The following ADARB2 variants were observed in gnomAD, a reference collection of about 807,000 sequenced individuals.
ADARB2 encodes inactive double-stranded RNA-specific editase B2.
Under a neutral mutation model 62.2 loss-of-function variants are expected in ADARB2, and 25 were observed. The ratio of observed to expected loss-of-function variants is 0.40; its 90% CI spans 0.29 to 0.56. The LOEUF (loss-of-function observed/expected upper bound fraction) is 0.56. Ranked by LOEUF, ADARB2 falls within the 20% of genes least tolerant of loss-of-function variation. The pLI is 0.43. For synonymous variants in ADARB2, 572 were observed against 500.8 expected, an observed-to-expected ratio of 1.14 and a Z score of -1.90; for missense variants, 1,071 against 1,077.4, an observed-to-expected ratio of 0.99 and a Z score of 0.08.
Position 1,645,448 on chromosome 10 carries a change from G to A in ADARB2, c.100+91603C>T, listed in dbSNP as rs561437605. On this transcript the variant is annotated intron_variant, in intron 1 of 9. Transcript: ENST00000381312. The stretch of plus-strand genomic sequence containing the variant: ...GTGCCATTGCCTAGCAGAAGTAAGG[G>A]GGATGCAACCACTTTGTTACTTCCA... Among the ~76,000 whole-genome samples, 4 of 152,272 alleles carry A rather than the reference G, an allele frequency of 2.6e-5. No individual in the cohort carries two copies. In the East Asian group the frequency reaches 7.7e-4, roughly 29 times the overall value.
chr10:1,627,284 G>A lies in ADARB2; in HGVS notation c.100+109767C>T, dbSNP rs151061219. Among the ~76,000 whole-genome samples the A allele has an allele frequency of 3.9e-3, 592 of 152,224 alleles. 5 individuals are homozygous for A. The highest frequency in any genetic ancestry group is 0.014 in the African/African-American group (564 of 41,512). ...ACTGAAGATTAGACTCCTGATCACG[G>A]ACACTTGACTCCATTCGGAGAGCAG... On this transcript the variant is annotated intron_variant, in intron 1 of 9. Coordinates refer to ENST00000381312, the MANE Select transcript of ADARB2 (RefSeq NM_018702.4).
intron 1 of ADARB2, among the ~76,000 whole-genome samples, chr10:1,621,801 C>G (rs923140313): frequency 6.6e-6 from 1 of 152,196 alleles, no homozygotes; most frequent in Non-Finnish European, 1.5e-5. Context: ...CCCAAATTAT[C>G]CATGGATTCA....
intron 3 of ADARB2, among the ~76,000 whole-genome samples, chr10:1,348,170 G>T (rs1832098752): frequency 6.6e-6 from 1 of 152,194 alleles, no homozygotes; most frequent in African/African-American, 2.4e-5. Context: ...ATTGCTGGGG[G>T]CTGGGGTGGG....
intron 1 of ADARB2, among the ~76,000 whole-genome samples, chr10:1,581,814 A>C (rs111697834): frequency 6.9e-6 from 1 of 144,296 alleles, no homozygotes; most frequent in African/African-American, 2.6e-5. Context: ...CATAGAGATG[A>C]CTTAGAAATA....
At chr10:1,350,057 G>A (rs74733235) in intron 3 of ADARB2, among the ~76,000 whole-genome samples, 4 of 151,756 alleles carry the variant, frequency 2.6e-5, no homozygotes, top group African/African-American at 9.7e-5. Context: ...TTCAACTCTC[G>A]CCTGACCTAA....
chr10:1,458,233 C>T (rs1381687418), intron 1 of ADARB2, among the ~76,000 whole-genome samples: 1 of 152,144 alleles, frequency 6.6e-6, no homozygotes, highest in African/African-American at 2.4e-5. Context: ...CGTGCACCCA[C>T]ATTTAAATTT....
At chr10:1,249,616 GCA>G (rs58472524) in intron 4 of ADARB2, among the ~76,000 whole-genome samples, 211 of 146,866 alleles carry the variant, frequency 1.4e-3, no homozygotes, top group Non-Finnish European at 1.9e-3. Context: ...GTGATTTTAT[GCA>G]CACACACACA....
chr10:1,674,232 C>G (rs945962362), intron 1 of ADARB2, among the ~76,000 whole-genome samples: 4 of 152,178 alleles, frequency 2.6e-5, no homozygotes, highest in Admixed American at 2.0e-4. Flanking sequence ...TTTAAAGCCT[C>G]CAACCCCCTT....
At chr10:1,524,092 AG>A (rs1832109660) in intron 1 of ADARB2, among the ~76,000 whole-genome samples, 4 of 152,258 alleles carry the variant, frequency 2.6e-5, no homozygotes, top group Non-Finnish European at 4.4e-5. Flanking sequence ...ATAGATAGAT[AG>A]ATAGATAGAT....
chr10:1,704,167 G>A lies in ADARB2; in HGVS notation c.100+32884C>T, dbSNP rs1448931825. 6.6e-6 allele frequency among the ~76,000 whole-genome samples: 1 copy of A among 152,208 alleles called. No individual in the cohort carries two copies. Among genetic ancestry groups the A allele is most frequent in the East Asian group, 1.9e-4 (1 of 5,204 alleles). ...TCTGGCACCAGGGATGGCTGGTTTTGTGGAAGACAATTTTTCCATGGACTG... is the reference window on the plus strand; with the variant it reads ...TCTGGCACCAGGGATGGCTGGTTTTATGGAAGACAATTTTTCCATGGACTG... On this transcript the variant is annotated intron_variant, in intron 1 of 9. Transcript: ENST00000381312. The surrounding 1 kb of genome is among the most constrained non-coding windows in gnomAD (Gnocchi z 5.6).
intron 1 of ADARB2, among the ~76,000 whole-genome samples, chr10:1,406,081 C>T (rs1218450419): frequency 2.0e-5 from 3 of 152,238 alleles, no homozygotes; most frequent in African/African-American, 4.8e-5. Context: ...CTGTTTATTA[C>T]ACCCTTCACC....
At chr10:1,295,407 C>T (rs1365993729) in intron 3 of ADARB2, among the ~76,000 whole-genome samples, 2 of 152,132 alleles carry the variant, frequency 1.3e-5, no homozygotes, top group African/African-American at 4.8e-5. Context: ...CACTTTTGAC[C>T]TCTTTAAGTC....
intron 1 of ADARB2, among the ~76,000 whole-genome samples, chr10:1,715,555 C>A (rs1023491719): frequency 6.7e-6 from 1 of 149,854 alleles, no homozygotes; most frequent in African/African-American, 2.5e-5. Context: ...AGAAACCCAG[C>A]CAGTGGTTCC....
At chr10:1,618,358 C>A (rs970802441) in intron 1 of ADARB2, among the ~76,000 whole-genome samples, 11 of 152,172 alleles carry the variant, frequency 7.2e-5, no homozygotes, top group African/African-American at 2.7e-4. Flanking sequence ...TAGCTTATCA[C>A]CTTTTTAATA....
Position 1,477,568 on chromosome 10 carries a change from C to G in ADARB2, c.101-98408G>C, listed in dbSNP as rs1831418609. On this transcript the variant is annotated intron_variant, in intron 1 of 9. Coordinates refer to ENST00000381312, the MANE Select transcript of ADARB2 (RefSeq NM_018702.4). The surrounding 1 kb of genome is among the most constrained non-coding windows in gnomAD (Gnocchi z 4.5). ...GTAAATTCTTTTACCACCCGTGACA[C>G]CAGCCCCAGCCATTGCACCCACAAC... 6.6e-6 allele frequency among the ~76,000 whole-genome samples: 1 copy of G among 152,166 alleles called. No individual in the cohort carries two copies. The highest frequency in any genetic ancestry group is 2.1e-4 in the South Asian group (1 of 4,830).
chr10:1,450,825 G>A (rs1170103258), intron 1 of ADARB2, among the ~76,000 whole-genome samples: 1 of 152,178 alleles, frequency 6.6e-6, no homozygotes, highest in Non-Finnish European at 1.5e-5. Context: ...AAGATTTGGG[G>A]TGTTATCTGC....
At chr10:1,330,905 C>T (rs137874146) in intron 3 of ADARB2, among the ~76,000 whole-genome samples, 3 of 152,156 alleles carry the variant, frequency 2.0e-5, no homozygotes, top group Admixed American at 6.5e-5. Flanking sequence ...ATGATATACC[C>T]GAATACATAA....
intron 3 of ADARB2, among the ~76,000 whole-genome samples, chr10:1,328,023 C>T (rs970565683): frequency 7.9e-5 from 12 of 151,802 alleles, no homozygotes; most frequent in African/African-American, 2.7e-4. Context: ...TCTGGGGGCA[C>T]GGATTGCAGG....
intron 1 of ADARB2, among the ~76,000 whole-genome samples, chr10:1,713,909 A>T (rs1834982662): frequency 6.6e-6 from 1 of 152,234 alleles, no homozygotes; most frequent in Admixed American, 6.5e-5. Context: ...CCAGGGTCAG[A>T]TGCCTGGGGA....
Sources: gnomAD v4.1 joint callset for allele counts (sites outside exome capture counted in the v4.1 genomes callset) on GRCh38, gnomAD v4.1.1 for gene constraint, Gnocchi (gnomAD v3.1) non-coding constraint, MANE v1.5 for transcripts, NCBI Gene and HGNC (gene_info 2026-07-23, HGNC 2026-07-21) for gene names.